Variants in PCDHGB7 observed in about 807,000 individuals in gnomAD.
The protein encoded by PCDHGB7 is protocadherin gamma-B7.
In PCDHGB7, 37 loss-of-function variants were observed where a neutral mutation model predicts 61.4. The ratio of observed to expected loss-of-function variants is 0.60; its 90% CI spans 0.46 to 0.79. The LOEUF (loss-of-function observed/expected upper bound fraction) is 0.79, where lower values mean the gene tolerates loss of function less well. Among genes scored for constraint, PCDHGB7 ranks in the 30% least tolerant of loss-of-function variants. The probability of loss-of-function intolerance (pLI) is 0.00; values close to 1 mark genes in which losing one functional copy is unlikely to be tolerated. For missense variants in PCDHGB7, 1,166 were observed against 1,202.5 expected (o/e 0.97, Z 0.45); for synonymous variants, 464 against 503.5 (o/e 0.92, Z 1.05).
rs372994272 is a variant in PCDHGB7, at chr5:141,485,358, G to C, written c.2416-9449G>C. On this transcript the variant is annotated intron_variant, in intron 1 of 3. Coordinates refer to ENST00000398594, the MANE Select transcript of PCDHGB7 (RefSeq NM_018927.4). This position sits in a 1 kb window ranked among gnomAD's most constrained non-coding sequence, Gnocchi z 5.7. ...CTGGATACGGACAGTCTGTCAGCTC[G>C]CAGGCTGCAGGTCGCTGGAGAGGTG... is the stretch of plus-strand genomic sequence containing the variant. 3.1e-6 allele frequency: 5 copies of C among 1,613,982 alleles called. No homozygotes were observed. Among genetic ancestry groups the C allele is most frequent in the Non-Finnish European group, 4.2e-6 (5 of 1,180,014 alleles).
chr5:141,501,971 G>A (rs2099812098), intron 2 of PCDHGB7, among the ~76,000 whole-genome samples: 1 of 151,956 alleles, frequency 6.6e-6, no homozygotes. Context: ...CCTAACCTCT[G>A]GCATCTGGTC....
rs1347978078 is a variant in PCDHGB7, at chr5:141,486,800, C to G, written c.2416-8007C>G. ...GGTGCAGGCCCGGGATCGGGGCAAC[C>G]CACCCCTTAGCAGCACTGTAACAGT... On this transcript the variant is annotated intron_variant, in intron 1 of 3. Coordinates refer to ENST00000398594, the MANE Select transcript of PCDHGB7 (RefSeq NM_018927.4). The surrounding 1 kb of genome is among the most constrained non-coding windows in gnomAD (Gnocchi z 5.0). 1.9e-6 allele frequency: 3 copies of G among 1,614,104 alleles called. No individual in the cohort carries two copies. In the Admixed American group the frequency reaches 5.0e-5, roughly 27 times the overall value.
Position 141,485,286 on chromosome 5 carries a change from AG to A in PCDHGB7, c.2416-9520del. On this transcript the variant is annotated intron_variant, in intron 1 of 3. Coordinates refer to ENST00000398594, the MANE Select transcript of PCDHGB7 (RefSeq NM_018927.4). This position sits in a 1 kb window ranked among gnomAD's most constrained non-coding sequence, Gnocchi z 5.7. ...CAGATCCGCTACCCGGTCCCAGAGG[AG>A]TCACAGGAAGGGACTTTTGTAGGGA... The A allele has an allele frequency of 6.2e-7, 1 of 1,614,044 alleles. No homozygotes were observed. Among genetic ancestry groups the A allele is most frequent in the Non-Finnish European group, 8.5e-7 (1 of 1,179,928 alleles).
rs752720166 is a variant in PCDHGB7, at chr5:141,419,978, G to C, written c.2119G>C (p.Val707Leu). 1.9e-6 allele frequency: 3 copies of C among 1,614,076 alleles called. No homozygotes were observed. In the South Asian group the frequency reaches 3.3e-5, roughly 18 times the overall value. The change falls in exon 1 of 4, where the codon GTG (valine) becomes CTG (leucine). Residue 707 changes from valine to leucine, a missense_variant. Transcript: ENST00000398594. ...ALISVLFLLA[V>L]ILAIALRLRQ... Reference sequence around the variant, plus strand: ...GATTTCTGTGCTCTTTCTCCTCGCGGTGATTCTAGCTATTGCTCTACGCCT... The same window carrying C: ...GATTTCTGTGCTCTTTCTCCTCGCGCTGATTCTAGCTATTGCTCTACGCCT...
chr5:141,476,727 G>A lies in PCDHGB7; in HGVS notation c.2416-18080G>A, dbSNP rs762236731. On this transcript the variant is annotated intron_variant, in intron 1 of 3. Coordinates refer to ENST00000398594, the MANE Select transcript of PCDHGB7 (RefSeq NM_018927.4). This position sits in a 1 kb window ranked among gnomAD's most constrained non-coding sequence, Gnocchi z 7.6. ...CTGGTGTTGGAGCGCGCCCTGGACC[G>A]AGAACGGGAGCCTAGTCTCCAGTTA... 5 of 1,614,108 alleles carry A rather than the reference G, an allele frequency of 3.1e-6. No individual in the cohort carries two copies. Among genetic ancestry groups the A allele is most frequent in the Non-Finnish European group, 4.2e-6 (5 of 1,180,032 alleles).
At chr5:141,458,854 T>G (rs2098955098) in intron 1 of PCDHGB7, among the ~76,000 whole-genome samples, 1 of 152,182 alleles carries the variant, frequency 6.6e-6, no homozygotes, top group South Asian at 2.1e-4. Flanking sequence ...CACCTCAGCC[T>G]TCCAAGTAGC....
rs759095332 is a variant in PCDHGB7, at chr5:141,432,306, C to T, written c.2415+12032C>T. 1 of 1,614,250 alleles carries T rather than the reference C, an allele frequency of 6.2e-7. No homozygotes were observed. On this transcript the variant is annotated intron_variant, in intron 1 of 3. Coordinates refer to ENST00000398594, the MANE Select transcript of PCDHGB7 (RefSeq NM_018927.4). This position sits in a 1 kb window ranked among gnomAD's most constrained non-coding sequence, Gnocchi z 6.0. ...AACTCCGACACTGGGGTACTGTATG[C>T]GCTGAGCTCCTTCGACTACGAGCAG...
Position 141,491,944 on chromosome 5 carries a change from C to A in PCDHGB7, c.2416-2863C>A. On this transcript the variant is annotated intron_variant, in intron 1 of 3. Transcript: ENST00000398594. This position sits in a 1 kb window ranked among gnomAD's most constrained non-coding sequence, Gnocchi z 6.9. ...CGAGGGGAGGTGGGACCGACCCCCA[C>A]CCCTACACTCAAAAAAGGCCGGGGC... 2 of 1,120,270 alleles carry A rather than the reference C, an allele frequency of 1.8e-6. No individual in the cohort carries two copies. Among genetic ancestry groups the A allele is most frequent in the Non-Finnish European group, 2.4e-6 (2 of 822,060 alleles). The allele number at this position is 1,120,270 out of a possible 1,614,324, so 69.4% of individuals were successfully genotyped here.
At position 141,511,130 on chromosome 5, in the gene PCDHGB7, G is replaced by A. The variant is rs777082914; in HGVS notation, c.2747G>A (p.Gly916Asp). ...GKRDGKAPAG[G>D]NGNKKKSGKK... ...CGGGATGGCAAGGCCCCAGCAGGTG[G>A]CAATGGCAACAAGAAGAAGTCGGGC... The change falls in exon 4 of 4, where the codon GGC (glycine) becomes GAC (aspartate). Residue 916 changes from glycine (G) to aspartate (D), a missense_variant. Coordinates refer to ENST00000398594, the MANE Select transcript of PCDHGB7 (RefSeq NM_018927.4). 6.2e-7 allele frequency: 1 copy of A among 1,614,210 alleles called. No homozygotes were observed. The highest frequency in any genetic ancestry group is 1.1e-5 in the South Asian group (1 of 91,090).
rs539892249 is a variant in PCDHGB7 at position 141,500,355 on chromosome 5, C to T, written c.2475-5038C>T. ...TCCAGAATAGCTGGGACTACAGGCG[C>T]CCACTACCACGCCCGGCTAATTATT... On this transcript the variant is annotated intron_variant, in intron 2 of 3. Coordinates refer to ENST00000398594, the MANE Select transcript of PCDHGB7 (RefSeq NM_018927.4). Among the ~76,000 whole-genome samples, 274 of 152,030 alleles carry T rather than the reference C, an allele frequency of 1.8e-3. 2 individuals are homozygous for T. The highest frequency in any genetic ancestry group is 6.3e-3 in the African/African-American group (263 of 41,478).
chr5:141,460,792 A>T (rs1028557260), intron 1 of PCDHGB7, among the ~76,000 whole-genome samples: 30 of 152,012 alleles, frequency 2.0e-4, no homozygotes, highest in Non-Finnish European at 2.9e-5. Context: ...ATATACACAC[A>T]AAGTATATAT....
chr5:141,475,899 T>A, intron 1 of PCDHGB7: 1 of 574,766 alleles, frequency 1.7e-6, no homozygotes. Flanking sequence ...TGTGTGCCGC[T>A]GTCGGCCAAT....
At chr5:141,427,132 G>A (rs755992698) in intron 1 of PCDHGB7, 1 of 457,106 alleles carries the variant, frequency 2.2e-6, no homozygotes, top group South Asian at 1.5e-5. Flanking sequence ...AAATCCCTAC[G>A]AGATGATATT....
chr5:141,508,714 G>A (rs775462794), intron 3 of PCDHGB7, among the ~76,000 whole-genome samples: 16 of 151,880 alleles, frequency 1.1e-4, no homozygotes, highest in Admixed American at 2.0e-4. Context: ...ATTCTTTTCT[G>A]TGTGCAGGGA....
intron 1 of PCDHGB7, among the ~76,000 whole-genome samples, chr5:141,429,387 T>TA (rs11410533): frequency 0.01 from 1,566 of 151,436 alleles, 8 homozygotes; most frequent in Middle Eastern, 0.031. Flanking sequence ...GTTTTTTTTT[T>TA]AAAAAAAATT....
chr5:141,478,509 G>C, intron 1 of PCDHGB7: 1 of 1,611,878 alleles, frequency 6.2e-7, no homozygotes, highest in Non-Finnish European at 8.5e-7. Context: ...GTGTTCTATA[G>C]GCAGGTGTTG....
chr5:141,421,905 A>C, intron 1 of PCDHGB7: 1 of 1,613,752 alleles, frequency 6.2e-7, no homozygotes, highest in Non-Finnish European at 8.5e-7. Context: ...GAAAGGGCGC[A>C]GTTCCCATTC....
At chr5:141,458,081 GTAAGT>G (rs2098936973) in intron 1 of PCDHGB7, among the ~76,000 whole-genome samples, 1 of 152,186 alleles carries the variant, frequency 6.6e-6, no homozygotes, top group Non-Finnish European at 1.5e-5. Context: ...CTATATTGCC[GTAAGT>G]TAAGAGTACT....
rs775104626 is a variant in PCDHGB7, at chr5:141,486,636, C to T, written c.2416-8171C>T. On this transcript the variant is annotated intron_variant, in intron 1 of 3. Transcript: ENST00000398594. This position sits in a 1 kb window ranked among gnomAD's most constrained non-coding sequence, Gnocchi z 5.0. ...TCTGACCCAGACTCTGGCTTGAATG[C>T]GCTTATCTCCTACTCACTCCTGGAG... 7 of 1,613,540 alleles carry T rather than the reference C, an allele frequency of 4.3e-6. No individual in the cohort carries two copies. The highest frequency in any genetic ancestry group is 1.3e-5 in the African/African-American group (1 of 74,926).
Sources: gnomAD v4.1 joint callset for allele counts (sites outside exome capture counted in the v4.1 genomes callset) on GRCh38, gnomAD v4.1.1 for gene constraint, Gnocchi (gnomAD v3.1) non-coding constraint, MANE v1.5 for transcripts, NCBI Gene and HGNC (gene_info 2026-07-23, HGNC 2026-07-21) for gene names.